SLC32A1: variants seen among roughly 807,000 people sequenced by gnomAD.
SLC32A1 encodes vesicular inhibitory amino acid transporter.
Under a neutral mutation model 35.5 loss-of-function variants are expected in SLC32A1, and 8 were observed. That is an observed-to-expected ratio of 0.23 (90% CI 0.13 to 0.41). The LOEUF (loss-of-function observed/expected upper bound fraction) is 0.41. SLC32A1 is among the 10% of genes least tolerant of loss of function. The pLI is 1.00. For missense variants in SLC32A1, 493 were observed against 722.3 expected (o/e 0.68, Z 3.64); for synonymous variants, 317 against 326.3 (o/e 0.97, Z 0.31).
chr20:38,728,784 A>G lies in SLC32A1; in HGVS notation c.*145A>G. Reference sequence around the variant, plus strand: ...GTTCCTAGTTTCTGATTATTCGGGGATGGGGGGGATGGGAGGGGACAGGGA... The same window carrying G: ...GTTCCTAGTTTCTGATTATTCGGGGGTGGGGGGGATGGGAGGGGACAGGGA... On this transcript the variant is annotated 3_prime_UTR_variant, in exon 2 of 2. Transcript: ENST00000217420. The G allele has an allele frequency of 1.9e-5, 6 of 317,600 alleles. No individual in the cohort carries two copies. The highest frequency in any genetic ancestry group is 3.1e-5 in the Non-Finnish European group (5 of 160,620). The allele number at this position is 317,600 out of a possible 1,614,324, so 19.7% of individuals were successfully genotyped here.
Position 38,726,925 on chromosome 20 carries a change from A to G in SLC32A1, c.391-527A>G, listed in dbSNP as rs1053272747. 1.3e-5 allele frequency among the ~76,000 whole-genome samples: 2 copies of G among 151,918 alleles called. No individual in the cohort carries two copies. Among genetic ancestry groups the G allele is most frequent in the African/African-American group, 4.8e-5 (2 of 41,306 alleles). The stretch of plus-strand genomic sequence containing the variant: ...TTTCCTCCTCTGGTCTGAGCCTGAG[A>G]CGCCCGAGTTTTCCTCTTTAGCTCC... On this transcript the variant is annotated intron_variant, in intron 1 of 1. Transcript: ENST00000217420. The surrounding 1 kb of genome is among the most constrained non-coding windows in gnomAD (Gnocchi z 4.7).
At position 38,728,661 on chromosome 20, in the gene SLC32A1, C is replaced by G. The variant is rs753575760; in HGVS notation, c.*22C>G. ...CTAGGGCGCAAGGGCGAGCCCCCGCCGCGCTTCTGCGCTCTCTCCCTTCTC... is the reference window on the plus strand; with the variant it reads ...CTAGGGCGCAAGGGCGAGCCCCCGCGGCGCTTCTGCGCTCTCTCCCTTCTC... On this transcript the variant is annotated 3_prime_UTR_variant, in exon 2 of 2. Coordinates refer to ENST00000217420, the MANE Select transcript of SLC32A1 (RefSeq NM_080552.3). The G allele has an allele frequency of 1.2e-5, 18 of 1,557,700 alleles. No homozygotes were observed. Among genetic ancestry groups the G allele is most frequent in the Admixed American group, 1.9e-5 (1 of 53,512 alleles).
rs1254504463 is a variant in SLC32A1 at position 38,728,604 on chromosome 20, C to T, written c.1543C>T (p.Leu515Phe). 1 of 1,611,036 alleles carries T rather than the reference C, an allele frequency of 6.2e-7. No homozygotes were observed. Among genetic ancestry groups the T allele is most frequent in the East Asian group, 2.2e-5 (1 of 44,736 alleles). ...CGGCTTCGTGCACTCCCTCGAGGGCCTCATCGAAGCCTACCGAACCAACGC... is the reference window on the plus strand; with the variant it reads ...CGGCTTCGTGCACTCCCTCGAGGGCTTCATCGAAGCCTACCGAACCAACGC... Reference protein sequence around the residue: ...VSGFVHSLEGLIEAYRTNAED With the variant: ...VSGFVHSLEGFIEAYRTNAED Residue 515 changes from leucine (L) to phenylalanine (F), a missense_variant, in exon 2 of 2, where the codon CTC becomes TTC. This residue lies in a region of SLC32A1 where 269 missense variants were observed against 445.6 expected (regional missense o/e 0.60). Coordinates refer to ENST00000217420, the MANE Select transcript of SLC32A1 (RefSeq NM_080552.3).
chr20:38,727,805 G>A lies in SLC32A1; in HGVS notation c.744G>A (p.Thr248=). Reference sequence around the variant, plus strand: ...AGAAGTCCTGGTCCATTATCGCCACGGCCGTGCTGCTGCCTTGCGCCTTCC... The same window carrying A: ...AGAAGTCCTGGTCCATTATCGCCACAGCCGTGCTGCTGCCTTGCGCCTTCC... The part of the protein sequence containing the change: ...VSQKSWSIIA[T]AVLLPCAFLK... The change falls in exon 2 of 2, where the codon ACG becomes ACA. Residue 248 remains threonine, a synonymous_variant. Coordinates refer to ENST00000217420, the MANE Select transcript of SLC32A1 (RefSeq NM_080552.3). 6.2e-7 allele frequency: 1 copy of A among 1,614,190 alleles called. No homozygotes were observed. Among genetic ancestry groups the A allele is most frequent in the Non-Finnish European group, 8.5e-7 (1 of 1,180,040 alleles).
Position 38,728,357 on chromosome 20 carries a change from G to C in SLC32A1, c.1296G>C (p.Gly432=), listed in dbSNP as rs772222884. 6.2e-7 allele frequency: 1 copy of C among 1,612,332 alleles called. No individual in the cohort carries two copies. The highest frequency in any genetic ancestry group is 1.1e-5 in the South Asian group (1 of 91,054). The part of the protein sequence containing the change: ...YSGDGRLKSW[G]LTLRCALVVF... The stretch of plus-strand genomic sequence containing the variant: ...GCGACGGGCGCCTGAAGTCCTGGGG[G>C]CTGACGCTGCGCTGCGCGCTCGTCG... Residue 432 remains glycine (G), a synonymous_variant, in exon 2 of 2, where the codon GGG becomes GGC. Coordinates refer to ENST00000217420, the MANE Select transcript of SLC32A1 (RefSeq NM_080552.3).
rs907173774 is a variant in SLC32A1, at chr20:38,726,596, G to T, written c.391-856G>T. Reference sequence around the variant, plus strand: ...TGTCCGCCTGACCCTGAAGCTTCTGGTTCTAGACTCTTGCTCGGTTCGGCT... The same window carrying T: ...TGTCCGCCTGACCCTGAAGCTTCTGTTTCTAGACTCTTGCTCGGTTCGGCT... On this transcript the variant is annotated intron_variant, in intron 1 of 1. Coordinates refer to ENST00000217420, the MANE Select transcript of SLC32A1 (RefSeq NM_080552.3). This position sits in a 1 kb window ranked among gnomAD's most constrained non-coding sequence, Gnocchi z 4.7. Among the ~76,000 whole-genome samples the T allele has an allele frequency of 6.6e-6, 1 of 152,154 alleles. No individual in the cohort carries two copies. Among genetic ancestry groups the T allele is most frequent in the African/African-American group, 2.4e-5 (1 of 41,440 alleles).
chr20:38,728,408 T>C lies in SLC32A1; in HGVS notation c.1347T>C (p.Tyr449=), dbSNP rs750962307. Residue 449 remains tyrosine (Y), a synonymous_variant, in exon 2 of 2, where the codon TAT becomes TAC. Transcript: ENST00000217420. ...LVVFTLLMAI[Y]VPHFALLMGL... Reference sequence around the variant, plus strand: ...TCTTCACGCTGCTCATGGCCATTTATGTGCCGCACTTCGCGCTGCTCATGG... The same window carrying C: ...TCTTCACGCTGCTCATGGCCATTTACGTGCCGCACTTCGCGCTGCTCATGG... The C allele has an allele frequency of 3.7e-6, 6 of 1,610,506 alleles. No homozygotes were observed. Among genetic ancestry groups the C allele is most frequent in the Non-Finnish European group, 5.1e-6 (6 of 1,178,692 alleles).
rs985349365 is a variant in SLC32A1, at chr20:38,724,859, G to T, written c.135G>T (p.Ala45=). The change falls in exon 1 of 2, where the codon GCG becomes GCT. Residue 45 remains alanine (A), a synonymous_variant. Coordinates refer to ENST00000217420, the MANE Select transcript of SLC32A1 (RefSeq NM_080552.3). The part of the protein sequence containing the change: ...AATDEEAVGF[A]HCDDLDFEHR... ...CGGATGAGGAGGCGGTGGGCTTCGCGCATTGCGACGACCTCGACTTTGAGC... is the reference window on the plus strand; with the variant it reads ...CGGATGAGGAGGCGGTGGGCTTCGCTCATTGCGACGACCTCGACTTTGAGC... 3.0e-5 allele frequency: 48 copies of T among 1,613,810 alleles called. No homozygotes were observed. Among genetic ancestry groups the T allele is most frequent in the Non-Finnish European group, 3.8e-5 (45 of 1,179,992 alleles).
intron 1 of SLC32A1, 94 bp from the exon 2 acceptor site, chr20:38,727,358 C>T (rs1353538969): frequency 6.5e-6 from 8 of 1,232,984 alleles, no homozygotes; most frequent in Non-Finnish European, 9.2e-6. Context: ...TTAGCGCCCC[C>T]TTCGGGCCAC....
At position 38,726,153 on chromosome 20, in the gene SLC32A1, T is replaced by A. The variant is rs1189617582; in HGVS notation, c.390+1039T>A. Among the ~76,000 whole-genome samples the A allele has an allele frequency of 6.6e-6, 1 of 152,220 alleles. No individual in the cohort carries two copies. Among genetic ancestry groups the A allele is most frequent in the Non-Finnish European group, 1.5e-5 (1 of 68,032 alleles). On this transcript the variant is annotated intron_variant, in intron 1 of 1. Coordinates refer to ENST00000217420, the MANE Select transcript of SLC32A1 (RefSeq NM_080552.3). The surrounding 1 kb of genome is among the most constrained non-coding windows in gnomAD (Gnocchi z 4.7). ...CTAGCAGGGGCTGGCAGGCCGCAGCTTTCTGGGCCGAAGGAGACTTCAGCT... is the reference window on the plus strand; with the variant it reads ...CTAGCAGGGGCTGGCAGGCCGCAGCATTCTGGGCCGAAGGAGACTTCAGCT...
Position 38,727,901 on chromosome 20 carries a change from G to C in SLC32A1, c.840G>C (p.Leu280=), listed in dbSNP as rs2084283519. 1 of 1,614,212 alleles carries C rather than the reference G, an allele frequency of 6.2e-7. No homozygotes were observed. Among genetic ancestry groups the C allele is most frequent in the Non-Finnish European group, 8.5e-7 (1 of 1,180,040 alleles). ...CTLAHFVINI[L]VIAYCLSRAR... The stretch of plus-strand genomic sequence containing the variant: ...TGGCCCACTTCGTCATCAATATCCT[G>C]GTCATAGCCTACTGTCTATCGCGGG... Residue 280 remains leucine (L), a synonymous_variant, in exon 2 of 2, where the codon CTG becomes CTC. Transcript: ENST00000217420.
intron 1 of SLC32A1, 80 bp downstream of exon 1, chr20:38,725,194 G>A (rs868675715): frequency 3.4e-6 from 5 of 1,470,520 alleles, no homozygotes; most frequent in South Asian, 1.4e-5. Context: ...ACAGTCGCCC[G>A]GTGATCTCGG....
chr20:38,725,923 G>T (rs1435445360), intron 1 of SLC32A1, among the ~76,000 whole-genome samples: 2 of 152,106 alleles, frequency 1.3e-5, no homozygotes, highest in African/African-American at 4.8e-5. Flanking sequence ...GCACAGACTC[G>T]CCCCTCTCGC....
chr20:38,727,104 A>T (rs1396176383), intron 1 of SLC32A1, among the ~76,000 whole-genome samples: 1 of 151,882 alleles, frequency 6.6e-6, no homozygotes, highest in Non-Finnish European at 1.5e-5. Flanking sequence ...TCCTGTCCCC[A>T]GAAACCATCC....
rs940895631 is a variant in SLC32A1 at position 38,728,628 on chromosome 20, G to A, written c.1567G>A (p.Ala523Thr). Residue 523 changes from alanine to threonine, a missense_variant, in exon 2 of 2, where the codon GCG becomes ACG. By Grantham distance (58) the Ala-to-Thr change is moderately conservative (BLOSUM62 0). Transcript: ENST00000217420. ...CCTCATCGAAGCCTACCGAACCAAC[G>A]CGGAGGACTAGGGCGCAAGGGCGAG... is the stretch of plus-strand genomic sequence containing the variant. ...EGLIEAYRTNAED is the reference protein window; with the variant it reads ...EGLIEAYRTNTED 8.1e-6 allele frequency: 13 copies of A among 1,604,222 alleles called. No individual in the cohort carries two copies. Among genetic ancestry groups the A allele is most frequent in the Non-Finnish European group, 1.0e-5 (12 of 1,176,072 alleles).
chr20:38,727,407 C>T (rs1489109278), intron 1 of SLC32A1, 45 bp from the exon 2 acceptor site: 1 of 1,576,160 alleles, frequency 6.3e-7, no homozygotes, highest in African/African-American at 1.3e-5. Flanking sequence ...CATCCGTTGC[C>T]AAGTTCGCTG....
intron 1 of SLC32A1, 61 bp downstream of exon 1, chr20:38,725,175 C>G: frequency 6.7e-7 from 1 of 1,489,752 alleles, no homozygotes; most frequent in South Asian, 1.4e-5. Flanking sequence ...GTGCCGGGCT[C>G]TGCCCCCGAC....
rs1373297490 is a variant in SLC32A1 at position 38,726,956 on chromosome 20, C to T, written c.391-496C>T. 6.6e-6 allele frequency among the ~76,000 whole-genome samples: 1 copy of T among 152,128 alleles called. No individual in the cohort carries two copies. Among genetic ancestry groups the T allele is most frequent in the Non-Finnish European group, 1.5e-5 (1 of 68,026 alleles). ...GAGTTTTCCTCTTTAGCTCCCGTGC[C>T]CCATTCCAGCCCCACCACAAATCCC... On this transcript the variant is annotated intron_variant, in intron 1 of 1. Transcript: ENST00000217420. This position sits in a 1 kb window ranked among gnomAD's most constrained non-coding sequence, Gnocchi z 4.7.
Position 38,727,934 on chromosome 20 carries a change from C to T in SLC32A1, c.873C>T (p.Asp291=). The T allele has an allele frequency of 1.2e-6, 2 of 1,614,220 alleles. No individual in the cohort carries two copies. The highest frequency in any genetic ancestry group is 1.7e-6 in the Non-Finnish European group (2 of 1,180,050). ...CCTACTGTCTATCGCGGGCGCGCGACTGGGCCTGGGAGAAGGTCAAGTTCT... is the reference window on the plus strand; with the variant it reads ...CCTACTGTCTATCGCGGGCGCGCGATTGGGCCTGGGAGAAGGTCAAGTTCT... The part of the protein sequence containing the change: ...VIAYCLSRAR[D]WAWEKVKFYI... The change falls in exon 2 of 2, where the codon GAC becomes GAT. Residue 291 remains aspartate (D), a synonymous_variant. Transcript: ENST00000217420.
Sources: gnomAD v4.1 joint callset for allele counts (sites outside exome capture counted in the v4.1 genomes callset) on GRCh38, gnomAD v4.1.1 for gene constraint, gnomAD v4.1.1 regional missense constraint, Gnocchi (gnomAD v3.1) non-coding constraint, MANE v1.5 for transcripts, NCBI Gene and HGNC (gene_info 2026-07-23, HGNC 2026-07-21) for gene names.